Variants in CHL1 observed in about 807,000 individuals in gnomAD.
CHL1 encodes the protein neural cell adhesion molecule L1-like protein.
In CHL1, 96 loss-of-function variants were observed where a neutral mutation model predicts 141.9. That is an observed-to-expected ratio of 0.68 (90% CI 0.57 to 0.80). The LOEUF (loss-of-function observed/expected upper bound fraction) is 0.80. Among genes scored for constraint, CHL1 ranks in the 30% least tolerant of loss-of-function variants. The probability of loss-of-function intolerance (pLI) is 0.00; values close to 1 mark genes in which losing one functional copy is unlikely to be tolerated. For missense variants in CHL1, 1,820 were observed against 1,457.2 expected (o/e 1.25, Z -4.05); for synonymous variants, 613 against 502.2 (o/e 1.22, Z -2.95).
At chr3:379,386 G>T (rs1312276035) in intron 16 of CHL1, among the ~76,000 whole-genome samples, 1 of 152,096 alleles carries the variant, frequency 6.6e-6, no homozygotes, top group Admixed American at 6.5e-5. Flanking sequence ...TTGGCCATTG[G>T]GTATTTGAGC....
At chr3:319,169 T>G (rs1420702888) in intron 2 of CHL1, among the ~76,000 whole-genome samples, 1 of 151,652 alleles carries the variant, frequency 6.6e-6, no homozygotes, top group East Asian at 1.9e-4. Context: ...ATAAGAATAA[T>G]AGAATATTAT....
intron 26 of CHL1, 149 bp downstream of exon 26, chr3:399,297 T>C (rs1708923098): frequency 1.6e-6 from 1 of 627,490 alleles, no homozygotes; most frequent in Non-Finnish European, 2.8e-6. Flanking sequence ...GAAAAACGTA[T>C]TGCTAAATTA....
Position 363,621 on chromosome 3 carries a change from A to G in CHL1, c.1585+238A>G, listed in dbSNP as rs1303649579. 1.7e-5 allele frequency: 6 copies of G among 362,422 alleles called. No homozygotes were observed. The East Asian group carries it at 2.6e-4, about 16-fold the overall frequency. The allele number at this position is 362,422 out of a possible 1,614,324, so 22.5% of individuals were successfully genotyped here. ...GAGGCAGCCAGGTGTCTGTAGTGAC[A>G]GATGGCTGTCAATATTTAAAAATTA... On this transcript the variant is annotated intron_variant, in intron 14 of 27. Transcript: ENST00000256509.
At chr3:229,646 C>T (rs1489271930) in intron 1 of CHL1, among the ~76,000 whole-genome samples, 1 of 151,858 alleles carries the variant, frequency 6.6e-6, no homozygotes, top group Non-Finnish European at 1.5e-5. Flanking sequence ...TAGCTTAGTT[C>T]AATACTCAGC....
At chr3:259,695 A>G (rs1037197559) in intron 2 of CHL1, among the ~76,000 whole-genome samples, 14 of 152,178 alleles carry the variant, frequency 9.2e-5, no homozygotes, top group African/African-American at 2.9e-4. Context: ...ACAAGGCTTC[A>G]TGAAAGGAGG....
intron 7 of CHL1, among the ~76,000 whole-genome samples, chr3:342,773 A>G (rs745911212): frequency 1.2e-4 from 18 of 152,158 alleles, no homozygotes; most frequent in Non-Finnish European, 2.1e-4. Context: ...CAGTGGAGCT[A>G]TAACTTGAAT....
At chr3:390,882 T>C (rs955073990) in intron 21 of CHL1, 66 bp downstream of exon 21, 25 of 1,521,426 alleles carry the variant, frequency 1.6e-5, no homozygotes, top group Non-Finnish European at 2.3e-5. Context: ...TAAAGAAGAA[T>C]TGATTTCAGA....
At chr3:384,842 A>C (rs1342244233) in intron 19 of CHL1, among the ~76,000 whole-genome samples, 1 of 152,162 alleles carries the variant, frequency 6.6e-6, no homozygotes, top group Non-Finnish European at 1.5e-5. Flanking sequence ...GAATGCACAA[A>C]GTTTAGTTTG....
At chr3:232,246 A>G (rs541634441) in intron 1 of CHL1, among the ~76,000 whole-genome samples, 2 of 152,260 alleles carry the variant, frequency 1.3e-5, no homozygotes, top group African/African-American at 4.8e-5. Context: ...CTTTTGAGTG[A>G]CACAACTGTT....
At chr3:323,340 G>C (rs1296543692) in intron 3 of CHL1, among the ~76,000 whole-genome samples, 1 of 152,040 alleles carries the variant, frequency 6.6e-6, no homozygotes, top group Non-Finnish European at 1.5e-5. Context: ...TAGATCAGTG[G>C]CAATTCTAAC....
At chr3:251,738 T>C (rs1029012565) in intron 2 of CHL1, among the ~76,000 whole-genome samples, 1 of 152,126 alleles carries the variant, frequency 6.6e-6, no homozygotes, top group Non-Finnish European at 1.5e-5. Flanking sequence ...AAAAGAGGCA[T>C]AATTCCACCC....
chr3:284,707 A>G (rs1267971505), intron 2 of CHL1, among the ~76,000 whole-genome samples: 1 of 152,148 alleles, frequency 6.6e-6, no homozygotes, highest in Non-Finnish European at 1.5e-5. Flanking sequence ...ACCAGGGAAA[A>G]CTGTTCAGAG....
intron 2 of CHL1, among the ~76,000 whole-genome samples, chr3:300,172 A>T (rs183745216): frequency 6.6e-6 from 1 of 152,338 alleles, no homozygotes; most frequent in East Asian, 1.9e-4. Context: ...AACTAAAACT[A>T]ATAAGACTTG....
At chr3:236,934 C>A (rs1227981607) in intron 1 of CHL1, among the ~76,000 whole-genome samples, 1 of 151,510 alleles carries the variant, frequency 6.6e-6, no homozygotes, top group East Asian at 1.9e-4. Context: ...ATTCTCATGT[C>A]GTGGATAAGG....
intron 2 of CHL1, among the ~76,000 whole-genome samples, chr3:310,037 A>G (rs922884982): frequency 2.0e-5 from 3 of 152,148 alleles, no homozygotes; most frequent in Admixed American, 6.5e-5. Context: ...AATTCCTGCC[A>G]TGGTACTGAT....
intron 18 of CHL1, among the ~76,000 whole-genome samples, chr3:383,078 A>G (rs1355592212): frequency 3.3e-5 from 5 of 152,216 alleles, no homozygotes. Context: ...AAAAAATCTC[A>G]AGGATGACTG....
rs949497166 is a variant in CHL1 at position 371,598 on chromosome 3, C to G, written c.1751+5483C>G. On this transcript the variant is annotated intron_variant, in intron 15 of 27. Coordinates refer to ENST00000256509, the MANE Select transcript of CHL1 (RefSeq NM_006614.4). The stretch of plus-strand genomic sequence containing the variant: ...TGACTTTTAATTTGGCTACTCAGTG[C>G]ATTTACATTTAAGGTTAGTATTGTT... Among the ~76,000 whole-genome samples, 3 of 152,270 alleles carry G rather than the reference C, an allele frequency of 2.0e-5. 1 individual carries two copies. Among genetic ancestry groups the G allele is most frequent in the Admixed American group, 2.0e-4 (3 of 15,296 alleles).
Position 341,399 on chromosome 3 carries a change from G to A in CHL1, c.508+483G>A, listed in dbSNP as rs572131537. Among the ~76,000 whole-genome samples, 24 of 152,284 alleles carry A rather than the reference G, an allele frequency of 1.6e-4. No homozygotes were observed. The South Asian group carries it at 5.0e-3, about 32-fold the overall frequency. ...CAGCACTCAGAAGAAAGCAAATGAA[G>A]CTACTCTTAGGTACAGCCAATTGTT... On this transcript the variant is annotated intron_variant, in intron 6 of 27. Transcript: ENST00000256509.
intron 2 of CHL1, chr3:248,284 G>A (rs902841952): frequency 6.6e-6 from 1 of 152,214 alleles, no homozygotes; most frequent in Admixed American, 6.6e-5. Context: ...TCTCCGAAGG[G>A]AAGCTGAGGT....
Sources: gnomAD v4.1 joint callset for allele counts (sites outside exome capture counted in the v4.1 genomes callset) on GRCh38, gnomAD v4.1.1 for gene constraint, MANE v1.5 for transcripts, NCBI Gene and HGNC (gene_info 2026-07-23, HGNC 2026-07-21) for gene names.